The following SDHA variants were observed in gnomAD, a reference collection of about 807,000 sequenced individuals.
SDHA encodes the protein succinate dehydrogenase [ubiquinone] flavoprotein subunit, mitochondrial.
In SDHA, 48 loss-of-function variants were observed where a neutral mutation model predicts 78.4. That is an observed-to-expected ratio of 0.61 (90% CI 0.49 to 0.78). SDHA has a LOEUF of 0.78. Among genes scored for constraint, SDHA ranks in the 30% least tolerant of loss-of-function variants. The pLI is 0.00. For synonymous variants in SDHA, 326 were observed against 353.9 expected (o/e 0.92, Z 0.88); for missense variants, 680 against 892.7 (o/e 0.76, Z 3.04).
At chr5:257,220 G>A (rs973925913), downstream of SDHA, among the ~76,000 whole-genome samples, 5 of 152,144 alleles carry the variant, frequency 3.3e-5, no homozygotes, top group Non-Finnish European at 5.9e-5. Context: ...TTCAAATCAG[G>A]GGTCCCCAAT....
chr5:268,555 G>A, the SDHA span, among the ~76,000 whole-genome samples: 2 of 152,110 alleles, frequency 1.3e-5, no homozygotes, highest in African/African-American at 4.8e-5. Context: ...TGCAGAAAAA[G>A]CACAAAAGGA....
At position 256,488 on chromosome 5, in the gene SDHA, A is replaced by G. The variant is rs1459712118; in HGVS notation, c.*68A>G. On this transcript the variant is annotated 3_prime_UTR_variant, in exon 15 of 15. Transcript: ENST00000264932. ...TGTATAATAGCTCATGCATGTGTCCATGTCATAACTGTCTTCATACGCTTC... is the reference window on the plus strand; with the variant it reads ...TGTATAATAGCTCATGCATGTGTCCGTGTCATAACTGTCTTCATACGCTTC... 2 of 1,316,008 alleles carry G rather than the reference A, an allele frequency of 1.5e-6. No individual in the cohort carries two copies. The highest frequency in any genetic ancestry group is 3.0e-5 in the African/African-American group (2 of 67,578). 81.5% of individuals were successfully genotyped at this position (1,316,008 alleles called of 1,614,324 possible).
chr5:258,325 C>G (rs1467201486), downstream of SDHA, among the ~76,000 whole-genome samples: 2 of 124,740 alleles, frequency 1.6e-5, no homozygotes, highest in East Asian at 4.4e-4. Flanking sequence ...GAGCTCCGCC[C>G]CCCTGTCAGA....
rs998713774 is a variant in SDHA at position 228,412 on chromosome 5, T to C, written c.770+79T>C. ...TAGAGTTTCTTTATTTTAATGAAAA[T>C]AGAGGCATTGTAGAATAACGGTTTA... On this transcript the variant is annotated intron_variant, in intron 6 of 14. Coordinates refer to ENST00000264932, the MANE Select transcript of SDHA (RefSeq NM_004168.4). The C allele has an allele frequency of 2.1e-6, 3 of 1,433,592 alleles. No homozygotes were observed. The African/African-American group carries it at 4.3e-5, about 21-fold the overall frequency. 88.8% of individuals were successfully genotyped at this position (1,433,592 alleles called of 1,614,324 possible). A position where few individuals can be genotyped will look rare whatever the true frequency, so the allele number is the denominator to read the frequency against.
At chr5:223,119 G>A (rs1325916283) in intron 1 of SDHA, among the ~76,000 whole-genome samples, 1 of 152,192 alleles carries the variant, frequency 6.6e-6, no homozygotes, top group Admixed American at 6.5e-5. Context: ...ACCACATACA[G>A]TAATACAATA....
At chr5:235,874 T>G (rs1735741314) in intron 9 of SDHA, 1 of 251,568 alleles carries the variant, frequency 4.0e-6, no homozygotes, top group Non-Finnish European at 7.8e-6. Context: ...CGGGGGACAG[T>G]CGCAGATGCT....
chr5:232,822 C>T (rs139725086), intron 7 of SDHA, among the ~76,000 whole-genome samples: 57 of 152,296 alleles, frequency 3.7e-4, no homozygotes, highest in African/African-American at 1.2e-3. Flanking sequence ...TGTTTCTCAT[C>T]GCACTGAGGA....
In SDHA at chr5:251,093, G is replaced by A. The variant is rs761927291; in HGVS notation, c.1653G>A (p.Thr551=). The A allele has an allele frequency of 3.2e-5, 51 of 1,611,760 alleles. No individual in the cohort carries two copies. In the East Asian group the frequency reaches 6.9e-4, roughly 22 times the overall value. Residue 551 remains threonine (T), a synonymous_variant, in exon 12 of 15, where the codon ACG becomes ACA. Transcript: ENST00000264932. ...ATGGAGACCTAAAGCACCTGAAGAC[G>A]TTCGACCGGGGTGAGCAGACAGTGG... is the stretch of plus-strand genomic sequence containing the variant. ...KLYGDLKHLK[T]FDRGMVWNTD...
Position 240,467 on chromosome 5 carries a change from C to G in SDHA, c.1542C>G (p.Ser514Arg), listed in dbSNP as rs1301221379. 4 of 1,601,304 alleles carry G rather than the reference C, an allele frequency of 2.5e-6. No individual in the cohort carries two copies. The African/African-American group carries it at 5.4e-5, about 21-fold the overall frequency. ...GSIRTSELRL[S>R]MQKSMQNHAA... ...TAAGAACATCGGAACTGCGACTCAGCATGCAGAAGGTAAGAGCCTGGACTC... is the reference window on the plus strand; with the variant it reads ...TAAGAACATCGGAACTGCGACTCAGGATGCAGAAGGTAAGAGCCTGGACTC... Residue 514 changes from serine (S) to arginine (R), a missense_variant, in exon 11 of 15, where the codon AGC becomes AGG. Ser to Arg is a moderately radical substitution (Grantham distance 110). Transcript: ENST00000264932.
chr5:249,763 G>A (rs1370987152), intron 11 of SDHA: 1 of 152,216 alleles, frequency 6.6e-6, no homozygotes, highest in Non-Finnish European at 1.5e-5. Flanking sequence ...GCACCGCTGG[G>A]TTAGGGTCTC....
chr5:249,253 T>C, intron 11 of SDHA: 4 of 252,168 alleles, frequency 1.6e-5, no homozygotes, highest in Non-Finnish European at 3.1e-5. Flanking sequence ...GGATCCTGAC[T>C]CTGCAAGAAG....
At chr5:258,197 T>G (rs1165550289), downstream of SDHA, among the ~76,000 whole-genome samples, 3 of 117,708 alleles carry the variant, frequency 2.5e-5, 1 homozygote, top group African/African-American at 4.7e-5. Context: ...CTGGGTGAGC[T>G]CCACCCCCTG....
intron 2 of SDHA, among the ~76,000 whole-genome samples, chr5:223,927 A>AT (rs1437875498): frequency 6.6e-6 from 1 of 152,132 alleles, no homozygotes; most frequent in Non-Finnish European, 1.5e-5. Context: ...AGATGATAAA[A>AT]TCCTACTGAA....
chr5:234,035 T>G (rs1735595799), intron 8 of SDHA: 2 of 287,960 alleles, frequency 6.9e-6, no homozygotes, highest in Admixed American at 9.9e-5. Flanking sequence ...TGCAGCTCTT[T>G]CATTGCCTGA....
intron 2 of SDHA, among the ~76,000 whole-genome samples, 162 bp downstream of exon 2, chr5:223,730 C>G (rs1734844488): frequency 6.6e-6 from 1 of 152,058 alleles, no homozygotes; most frequent in East Asian, 1.9e-4. Context: ...TACTTAATTG[C>G]AAGTACAAAT....
At position 236,528 on chromosome 5, in the gene SDHA, C is replaced by A. The variant is rs1553999766; in HGVS notation, c.1361C>A (p.Ala454Glu). The A allele has an allele frequency of 6.2e-7, 1 of 1,614,038 alleles. No individual in the cohort carries two copies. Among genetic ancestry groups the A allele is most frequent in the East Asian group, 2.2e-5 (1 of 44,884 alleles). ...ASVHGANRLG[A>E]NSLLDLVVFG... Reference sequence around the variant, plus strand: ...GTACATGGTGCCAACCGCCTCGGGGCAAACTCGCTCTTGGACCTGGTTGTC... The same window carrying A: ...GTACATGGTGCCAACCGCCTCGGGGAAAACTCGCTCTTGGACCTGGTTGTC... The change falls in exon 10 of 15, where the codon GCA becomes GAA. Residue 454 changes from alanine to glutamate, a missense_variant. Ala to Glu is a moderately radical substitution (Grantham distance 107). Coordinates refer to ENST00000264932, the MANE Select transcript of SDHA (RefSeq NM_004168.4).
downstream of SDHA, among the ~76,000 whole-genome samples, chr5:258,350 GCTC>G (rs200020750): frequency 2.7e-4 from 26 of 97,132 alleles, no homozygotes; most frequent in African/African-American, 9.3e-4. Context: ...TAGTGTGTGA[GCTC>G]CTCCTCCTGT....
At chr5:252,707 C>A (rs1475434201) in intron 13 of SDHA, among the ~76,000 whole-genome samples, 5 of 147,694 alleles carry the variant, frequency 3.4e-5, no homozygotes, top group African/African-American at 5.1e-5. Flanking sequence ...TTCAAGCCTG[C>A]CCTGTGGAGG....
chr5:223,591 A>G, intron 2 of SDHA, 23 bp downstream of exon 2: 2 of 1,583,948 alleles, frequency 1.3e-6, no homozygotes, highest in African/African-American at 2.7e-5. Context: ...TTTTTGTTCC[A>G]TTATAAATGA....
Sources: gnomAD v4.1 joint callset for allele counts (sites outside exome capture counted in the v4.1 genomes callset) on GRCh38, gnomAD v4.1.1 for gene constraint, MANE v1.5 for transcripts, NCBI Gene and HGNC (gene_info 2026-07-23, HGNC 2026-07-21) for gene names.